Variants in ARK2N observed in about 807,000 individuals in gnomAD.
ARK2N encodes the protein protein ARK2N.
chr18:46,216,793 G>T, the ARK2N span: 1 of 541,946 alleles, frequency 1.8e-6, no homozygotes, highest in Non-Finnish European at 3.3e-6. This position sits in a 1 kb window ranked among gnomAD's most constrained non-coding sequence, Gnocchi z 4.3. Flanking sequence ...AGCACATCAG[G>T]AAAAACAAAA....
At chr18:46,176,124 T>C in the ARK2N span, among the ~76,000 whole-genome samples, 2 of 152,356 alleles carry the variant, frequency 1.3e-5, no homozygotes, top group African/African-American at 2.4e-5. Context: ...AATAGTGATA[T>C]TGGTACTTTC....
the ARK2N span, among the ~76,000 whole-genome samples, chr18:46,250,493 C>CACACACACACACACACACACACAT: frequency 6.7e-6 from 1 of 149,192 alleles, no homozygotes; most frequent in Non-Finnish European, 1.5e-5. Context: ...TCCATTCGTA[C>CACACACACACACACACACACACAT]ACACACACAC....
the ARK2N span, among the ~76,000 whole-genome samples, chr18:46,244,481 G>A: frequency 2.0e-5 from 3 of 151,930 alleles, no homozygotes; most frequent in East Asian, 3.9e-4. Flanking sequence ...CCTGTTCCTA[G>A]TGTAGGGTTT....
the ARK2N span, among the ~76,000 whole-genome samples, chr18:46,245,300 G>A: frequency 6.6e-6 from 1 of 152,054 alleles, no homozygotes; most frequent in Admixed American, 6.5e-5. Context: ...GGGTGCTGTG[G>A]CTCACGCCTA....
the ARK2N span, among the ~76,000 whole-genome samples, chr18:46,195,964 CTG>C: frequency 1.3e-5 from 2 of 151,604 alleles, no homozygotes; most frequent in South Asian, 2.1e-4. Flanking sequence ...ACTGTCTAGT[CTG>C]TGTTTACTTT....
chr18:46,262,551 G>A, the ARK2N span, among the ~76,000 whole-genome samples: 1 of 152,130 alleles, frequency 6.6e-6, no homozygotes, highest in African/African-American at 2.4e-5. Context: ...TGTTTGATTT[G>A]TTCAGACTAA....
the ARK2N span, among the ~76,000 whole-genome samples, chr18:46,191,303 C>A: frequency 3.9e-5 from 6 of 151,996 alleles, no homozygotes; most frequent in Non-Finnish European, 2.9e-5. Context: ...ATATTTGTTA[C>A]AACTGACAAG....
the ARK2N span, among the ~76,000 whole-genome samples, chr18:46,181,363 A>C: frequency 6.6e-6 from 1 of 152,138 alleles, no homozygotes; most frequent in South Asian, 2.1e-4. Context: ...ATTGTTGTTC[A>C]GAGAGAAACA....
chr18:46,183,812 A>T, the ARK2N span, among the ~76,000 whole-genome samples: 1 of 152,064 alleles, frequency 6.6e-6, no homozygotes, highest in Non-Finnish European at 1.5e-5. Context: ...GAAGTCCTTC[A>T]AAACCAAATT....
At chr18:46,192,725 A>G in the ARK2N span, among the ~76,000 whole-genome samples, 1 of 150,800 alleles carries the variant, frequency 6.6e-6, no homozygotes, top group African/African-American at 2.4e-5. Context: ...GCCCGCCACC[A>G]TGCCTGGCTA....
the ARK2N span, among the ~76,000 whole-genome samples, chr18:46,186,801 C>T: frequency 6.1e-4 from 93 of 151,486 alleles, no homozygotes; most frequent in African/African-American, 2.1e-3. Context: ...AGCCCCCGTG[C>T]CCGGCCGAAT....
At chr18:46,187,096 C>T in the ARK2N span, among the ~76,000 whole-genome samples, 25 of 151,594 alleles carry the variant, frequency 1.6e-4, no homozygotes, top group African/African-American at 5.3e-4. Context: ...TCAGGCGATC[C>T]GCCCGCCTTG....
the ARK2N span, among the ~76,000 whole-genome samples, chr18:46,239,154 A>G: frequency 5.3e-5 from 8 of 152,142 alleles, no homozygotes; most frequent in African/African-American, 1.9e-4. Flanking sequence ...ATGAATATTG[A>G]CTTATTTTAG....
the ARK2N span, among the ~76,000 whole-genome samples, chr18:46,230,980 A>C: frequency 6.6e-6 from 1 of 152,338 alleles, no homozygotes; most frequent in East Asian, 1.9e-4. Flanking sequence ...TTAGATATCT[A>C]ATCATCTTAA....
At chr18:46,248,722 C>T in the ARK2N span, among the ~76,000 whole-genome samples, 1 of 152,142 alleles carries the variant, frequency 6.6e-6, no homozygotes, top group Non-Finnish European at 1.5e-5. Flanking sequence ...GTAGCAGGGA[C>T]TACAGGCATG....
the ARK2N span, among the ~76,000 whole-genome samples, chr18:46,229,888 G>C: frequency 2.0e-5 from 3 of 151,934 alleles, no homozygotes; most frequent in African/African-American, 7.3e-5. Flanking sequence ...ACAGGTACGA[G>C]CCACCACGCC....
chr18:46,187,160 A>T, the ARK2N span, among the ~76,000 whole-genome samples: 11 of 149,588 alleles, frequency 7.4e-5, no homozygotes, highest in Non-Finnish European at 1.3e-4. Flanking sequence ...AGCCCTTACT[A>T]CTACTTTTTT....
the ARK2N span, among the ~76,000 whole-genome samples, chr18:46,178,561 C>T: frequency 4.6e-5 from 7 of 152,170 alleles, no homozygotes; most frequent in Admixed American, 6.5e-5. Flanking sequence ...TGCACCACCT[C>T]GGCCTCCCAA....
chr18:46,251,811 G>A, the ARK2N span, among the ~76,000 whole-genome samples: 1 of 152,116 alleles, frequency 6.6e-6, no homozygotes, highest in Admixed American at 6.5e-5. Flanking sequence ...GGTTTACAGG[G>A]TCAGAAGGTA....
Sources: allele counts gnomAD v4.1 joint callset (sites outside exome capture counted in the v4.1 genomes callset), GRCh38; gene constraint gnomAD v4.1.1; non-coding constraint Gnocchi (gnomAD v3.1); transcripts MANE v1.5; gene names NCBI Gene and HGNC (gene_info 2026-07-23, HGNC 2026-07-21).